GLRA3: variants seen among roughly 807,000 people sequenced by gnomAD.
GLRA3 encodes the protein glycine receptor subunit alpha-3.
In GLRA3, 44 loss-of-function variants were observed where a neutral mutation model predicts 60.4. The ratio of observed to expected loss-of-function variants is 0.73; its 90% CI spans 0.57 to 0.94. GLRA3 has a LOEUF of 0.94. GLRA3 is among the 40% of genes least tolerant of loss of function. GLRA3 has a pLI of 0.00. For missense variants in GLRA3, 508 were observed against 564.6 expected, an observed-to-expected ratio of 0.90 and a Z score of 1.02; for synonymous variants, 223 against 192.9, an observed-to-expected ratio of 1.16 and a Z score of -1.29.
chr4:174,753,342 C>A, intron 3 of GLRA3, among the ~76,000 whole-genome samples: 1 of 152,150 alleles, frequency 6.6e-6, no homozygotes, highest in East Asian at 1.9e-4. Flanking sequence ...ACTCACACAT[C>A]TGTCAGAGAT....
intron 3 of GLRA3, among the ~76,000 whole-genome samples, chr4:174,744,139 C>T (rs2111177189): frequency 6.6e-6 from 1 of 152,358 alleles, no homozygotes; most frequent in South Asian, 2.1e-4. Flanking sequence ...AGCTATGTGT[C>T]TGGGGCTATG....
chr4:174,753,855 G>T (rs947394417), intron 3 of GLRA3, among the ~76,000 whole-genome samples: 1 of 152,016 alleles, frequency 6.6e-6, no homozygotes, highest in African/African-American at 2.4e-5. Flanking sequence ...CCTTAAAAAT[G>T]CAATTTTTAA....
At chr4:174,738,727 C>CA (rs1351045188) in intron 3 of GLRA3, among the ~76,000 whole-genome samples, 3 of 152,092 alleles carry the variant, frequency 2.0e-5, no homozygotes, top group Non-Finnish European at 4.4e-5. Flanking sequence ...ACTTTCATGA[C>CA]AAAAAAATTA....
chr4:174,734,585 AAAG>A (rs143473830), intron 3 of GLRA3, among the ~76,000 whole-genome samples: 1,917 of 152,328 alleles, frequency 0.013, 55 homozygotes, highest in African/African-American at 0.042. Context: ...CTCCTAGAAA[AAAG>A]AAGATTTTAA....
At chr4:174,703,527 C>T (rs28688380) in intron 5 of GLRA3, among the ~76,000 whole-genome samples, 27,139 of 152,186 alleles carry the variant, frequency 0.18, 2,612 homozygotes, top group East Asian at 0.33. Context: ...TCTTGATCCT[C>T]ACTACATATA....
At chr4:174,676,076 G>A (rs1231410793) in intron 7 of GLRA3, among the ~76,000 whole-genome samples, 2 of 152,120 alleles carry the variant, frequency 1.3e-5, no homozygotes, top group Non-Finnish European at 2.9e-5. Context: ...TAATTTAGAT[G>A]ACAGAAACTT....
At chr4:174,699,512 A>G (rs1335532889) in intron 5 of GLRA3, among the ~76,000 whole-genome samples, 1 of 152,210 alleles carries the variant, frequency 6.6e-6, no homozygotes, top group Non-Finnish European at 1.5e-5. Flanking sequence ...ATAATTATAT[A>G]GCAAAATCAT....
intron 3 of GLRA3, among the ~76,000 whole-genome samples, chr4:174,734,971 G>A (rs957707169): frequency 5.9e-5 from 9 of 152,172 alleles, no homozygotes; most frequent in Non-Finnish European, 8.8e-5. Flanking sequence ...ACTCCTAGTA[G>A]CTGCTTGCTG....
chr4:174,729,312 A>G (rs1176518114), intron 3 of GLRA3, among the ~76,000 whole-genome samples: 1 of 152,234 alleles, frequency 6.6e-6, no homozygotes. Context: ...ACTTTTCTTA[A>G]AAGCTCTCTG....
chr4:174,774,350 G>A (rs1246122456), intron 2 of GLRA3, among the ~76,000 whole-genome samples: 1 of 147,676 alleles, frequency 6.8e-6, no homozygotes, highest in Non-Finnish European at 1.5e-5. Flanking sequence ...ATGTGTAAAT[G>A]TATGTGTGTG....
intron 2 of GLRA3, among the ~76,000 whole-genome samples, chr4:174,784,488 A>AC (rs1739037904): frequency 1.4e-5 from 2 of 145,384 alleles, no homozygotes; most frequent in Admixed American, 6.8e-5. Context: ...ATACAAAAAA[A>AC]AAACCAAAAA....
At chr4:174,766,226 A>G (rs1738138311) in intron 3 of GLRA3, among the ~76,000 whole-genome samples, 1 of 152,010 alleles carries the variant, frequency 6.6e-6, no homozygotes, top group African/African-American at 2.4e-5. Context: ...TACTAAATTT[A>G]CAAAGACAAT....
rs1356830967 is a variant in GLRA3, at chr4:174,742,767, A to G, written c.268-14069T>C. 2.0e-5 allele frequency among the ~76,000 whole-genome samples: 3 copies of G among 152,172 alleles called. No homozygotes were observed. The East Asian group carries it at 5.8e-4, about 29-fold the overall frequency. ...TTCCCAGAAGGATATAAATTACTGG[A>G]AGATAATTGCTATGAATACATCATT... On this transcript the variant is annotated intron_variant, in intron 3 of 9. Transcript: ENST00000274093.
intron 8 of GLRA3, among the ~76,000 whole-genome samples, chr4:174,657,404 A>G (rs1733252633): frequency 6.6e-6 from 1 of 152,158 alleles, no homozygotes; most frequent in Admixed American, 6.6e-5. Context: ...GATACATTCT[A>G]AATTGTATAA....
At chr4:174,658,032 G>T (rs1401416435) in intron 8 of GLRA3, among the ~76,000 whole-genome samples, 1 of 152,028 alleles carries the variant, frequency 6.6e-6, no homozygotes, top group Non-Finnish European at 1.5e-5. Context: ...AAAGCTTAGT[G>T]CTTTTTAAAG....
chr4:174,743,313 T>A (rs1737096858), intron 3 of GLRA3, among the ~76,000 whole-genome samples: 1 of 152,230 alleles, frequency 6.6e-6, no homozygotes, highest in African/African-American at 2.4e-5. Flanking sequence ...TTTTTTCTCG[T>A]GTAGGATCTA....
chr4:174,745,507 T>C (rs1489927636), intron 3 of GLRA3, among the ~76,000 whole-genome samples: 1 of 152,208 alleles, frequency 6.6e-6, no homozygotes, highest in Admixed American at 6.5e-5. Flanking sequence ...TGTATTTTCA[T>C]AGTTTTGGGT....
rs148885079 is a variant in GLRA3 at position 174,813,961 on chromosome 4, C to T, written c.71+14780G>A. On this transcript the variant is annotated intron_variant, in intron 1 of 9. Coordinates refer to ENST00000274093, the MANE Select transcript of GLRA3 (RefSeq NM_006529.4). ...TCAGCCCACAGCTCTCAAACCCTCA[C>T]GGGAAGGGGAGCACACAGGTGAGAG... Among the ~76,000 whole-genome samples, 1,441 of 152,222 alleles carry T rather than the reference C, an allele frequency of 9.5e-3. 16 individuals are homozygous for T. Among genetic ancestry groups the T allele is most frequent in the African/African-American group, 0.032 (1,326 of 41,538 alleles).
chr4:174,765,192 T>C (rs77100453), intron 3 of GLRA3, among the ~76,000 whole-genome samples: 1 of 144,454 alleles, frequency 6.9e-6, no homozygotes, highest in African/African-American at 2.5e-5. Flanking sequence ...TCTGGCTAAA[T>C]TGTTAAGGTA....
Sources: allele counts gnomAD v4.1 joint callset (sites outside exome capture counted in the v4.1 genomes callset), GRCh38; gene constraint gnomAD v4.1.1; transcripts MANE v1.5; gene names NCBI Gene and HGNC (gene_info 2026-07-23, HGNC 2026-07-21).